RBM20: variants seen among roughly 807,000 people sequenced by gnomAD.
RBM20 encodes the protein RNA-binding protein 20.
In RBM20, 51 loss-of-function variants were observed where a neutral mutation model predicts 110.1. That is an observed-to-expected ratio of 0.46 (90% CI 0.37 to 0.59). The LOEUF (loss-of-function observed/expected upper bound fraction) is 0.59, where lower values mean the gene tolerates loss of function less well. Ranked by LOEUF, RBM20 falls within the 20% of genes least tolerant of loss-of-function variation. RBM20 has a pLI of 0.00. For synonymous variants in RBM20, 589 were observed against 618.2 expected (o/e 0.95, Z 0.70); for missense variants, 1,512 against 1,574.9 (o/e 0.96, Z 0.68).
chr10:110,748,678 T>A (rs569559108), intron 1 of RBM20, among the ~76,000 whole-genome samples: 1 of 152,124 alleles, frequency 6.6e-6, no homozygotes, highest in Non-Finnish European at 1.5e-5. Context: ...TCTCTCTCTC[T>A]CTCTTTCTCT....
intron 1 of RBM20, among the ~76,000 whole-genome samples, chr10:110,734,820 C>T (rs12219040): frequency 0.15 from 22,134 of 152,044 alleles, 2,150 homozygotes; most frequent in East Asian, 0.27. Flanking sequence ...TGCAACTTTA[C>T]TTTCCACAGT....
At chr10:110,708,661 T>C (rs1862877504) in intron 1 of RBM20, among the ~76,000 whole-genome samples, 2 of 152,252 alleles carry the variant, frequency 1.3e-5, no homozygotes, top group Non-Finnish European at 2.9e-5. Context: ...TTTCACTTTC[T>C]AAGTTTTATA....
rs1554893412 is a variant in RBM20, at chr10:110,727,419, A to AAT, written c.192-53381_192-53380insTA. 1.5e-3 allele frequency among the ~76,000 whole-genome samples: 215 copies of AAT among 146,794 alleles called. 2 individuals carry two copies. Among genetic ancestry groups the AAT allele is most frequent in the African/African-American group, 5.2e-3 (206 of 39,384 alleles). On this transcript the variant is annotated intron_variant, in intron 1 of 13. Coordinates refer to ENST00000369519, the MANE Select transcript of RBM20 (RefSeq NM_001134363.3). ...CGTCTCAAAAAATAAAAATAAAAAA[A>AAT]AAATAAATAAAAAGTCCATCCTGTT...
At chr10:110,809,389 A>G (rs1381566034) in intron 7 of RBM20, among the ~76,000 whole-genome samples, 1 of 152,124 alleles carries the variant, frequency 6.6e-6, no homozygotes, top group African/African-American at 2.4e-5. Context: ...CTCACATTCC[A>G]TAAAATTCAC....
chr10:110,736,052 A>G (rs570889187), intron 1 of RBM20, among the ~76,000 whole-genome samples: 1 of 152,352 alleles, frequency 6.6e-6, no homozygotes, highest in East Asian at 1.9e-4. Context: ...AGAGAGCACA[A>G]GTGCATTTGC....
In RBM20 at chr10:110,837,378, C is replaced by A. The variant is rs1177240988; in HGVS notation, c.*1400C>A. ...GCTCTGCCACAGCCATAGAGAGGCC[C>A]TCGGGCAGTTAAGAAGGGAGCCTGG... On this transcript the variant is annotated 3_prime_UTR_variant, in exon 14 of 14. Coordinates refer to ENST00000369519, the MANE Select transcript of RBM20 (RefSeq NM_001134363.3). The A allele has an allele frequency of 6.6e-6, 1 of 152,170 alleles. No individual in the cohort carries two copies. The highest frequency in any genetic ancestry group is 1.5e-5 in the Non-Finnish European group (1 of 68,054). The allele number at this position is 152,170 out of a possible 1,614,324, so 9.4% of individuals were successfully genotyped here.
rs545855573 is a variant in RBM20 at position 110,831,164 on chromosome 10, C to A, written c.3555C>A (p.Val1185=). 47 of 1,551,566 alleles carry A rather than the reference C, an allele frequency of 3.0e-5. 1 individual carries two copies. In the South Asian group the frequency reaches 5.0e-4, roughly 16 times the overall value. The change falls in exon 13 of 14, where the codon GTC becomes GTA. Residue 1185 remains valine (V), a synonymous_variant. Coordinates refer to ENST00000369519, the MANE Select transcript of RBM20 (RefSeq NM_001134363.3). ...TAKMSHCRSA[V]HYRNLQKYLS... ...AGATGAGCCACTGCCGCAGCGCTGT[C>A]CACTACAGGAACTTACAGGTAAAAA... is the stretch of plus-strand genomic sequence containing the variant.
chr10:110,794,746 C>G (rs765138965), intron 5 of RBM20, among the ~76,000 whole-genome samples: 23 of 152,194 alleles, frequency 1.5e-4, no homozygotes, highest in Non-Finnish European at 2.8e-4. Flanking sequence ...CAGAAGATGT[C>G]TTTTTAAAAT....
At position 110,781,227 on chromosome 10, in the gene RBM20, C is replaced by T; in HGVS notation, c.618C>T (p.Thr206=). Residue 206 remains threonine (T), a synonymous_variant, in exon 2 of 14, where the codon ACC becomes ACT. Transcript: ENST00000369519. ...CTTTCACTGGGGTAATGCCTCAGAC[C>T]CCTGGCCAGCCAGCAGTCATCTTGG... is the stretch of plus-strand genomic sequence containing the variant. ...MHPFTGVMPQ[T]PGQPAVILGI... is the part of the protein sequence containing the mutation. 6.4e-7 allele frequency: 1 copy of T among 1,551,660 alleles called. No homozygotes were observed. Among genetic ancestry groups the T allele is most frequent in the Non-Finnish European group, 8.7e-7 (1 of 1,147,006 alleles).
intron 1 of RBM20, among the ~76,000 whole-genome samples, chr10:110,691,009 A>AC (rs1345037780): frequency 6.6e-6 from 1 of 151,964 alleles, no homozygotes; most frequent in East Asian, 1.9e-4. Context: ...TGAGATACTA[A>AC]CCCCCCATGT....
chr10:110,784,649 G>A (rs1844398189), intron 4 of RBM20, 143 bp from the exon 5 acceptor site: 7 of 711,140 alleles, frequency 9.8e-6, no homozygotes, highest in African/African-American at 3.5e-5. Context: ...CTGATTATCA[G>A]CATGTCCAGA....
At chr10:110,660,863 T>C (rs1862092981) in intron 1 of RBM20, among the ~76,000 whole-genome samples, 1 of 152,108 alleles carries the variant, frequency 6.6e-6, no homozygotes, top group African/African-American at 2.4e-5. Context: ...GCCACCATAG[T>C]CCATGGAAAA....
rs764016326 is a variant in RBM20, at chr10:110,784,816, C to T, written c.1454C>T (p.Ser485Leu). Residue 485 changes from serine (S) to leucine (L), a missense_variant, in exon 5 of 14, where the codon TCA (serine) becomes TTA (leucine). By Grantham distance (145) the Ser-to-Leu change is moderately radical. Coordinates refer to ENST00000369519, the MANE Select transcript of RBM20 (RefSeq NM_001134363.3). ...GATTATGCCTCAAATCTTGGAACAT[C>T]ATACGTGCCCATTCCAGCAAGGTCA... ...NEDYASNLGT[S>L]YVPIPARSFT... 2 of 1,550,692 alleles carry T rather than the reference C, an allele frequency of 1.3e-6. No individual in the cohort carries two copies. Among genetic ancestry groups the T allele is most frequent in the Non-Finnish European group, 1.7e-6 (2 of 1,146,034 alleles).
intron 1 of RBM20, among the ~76,000 whole-genome samples, chr10:110,727,213 A>G (rs1843571059): frequency 2.2e-5 from 3 of 136,616 alleles, no homozygotes; most frequent in Non-Finnish European, 4.6e-5. Context: ...GTTGACACAT[A>G]ATGTATGTGT....
chr10:110,830,359 A>G (rs1845034992), intron 12 of RBM20, among the ~76,000 whole-genome samples: 3 of 152,202 alleles, frequency 2.0e-5, no homozygotes, highest in African/African-American at 7.2e-5. Flanking sequence ...GAATTCTGGG[A>G]CTTATATTTA....
At chr10:110,699,927 G>A (rs553688800) in intron 1 of RBM20, among the ~76,000 whole-genome samples, 3 of 152,254 alleles carry the variant, frequency 2.0e-5, no homozygotes, top group South Asian at 2.1e-4. Flanking sequence ...TAAATGACTT[G>A]CGGGTGGGAA....
chr10:110,705,329 A>G (rs1000267986), intron 1 of RBM20, among the ~76,000 whole-genome samples: 1 of 152,260 alleles, frequency 6.6e-6, no homozygotes, highest in African/African-American at 2.4e-5. Flanking sequence ...GAATGATTGA[A>G]GAAGAATGGA....
intron 11 of RBM20, 113 bp downstream of exon 11, chr10:110,822,048 T>A: frequency 1.9e-6 from 2 of 1,049,728 alleles, no homozygotes; most frequent in Non-Finnish European, 2.9e-6. Context: ...TCAACTAGCA[T>A]TAAAGTGGGT....
intron 1 of RBM20, among the ~76,000 whole-genome samples, chr10:110,770,479 A>G (rs1300100167): frequency 1.3e-5 from 2 of 152,218 alleles, no homozygotes; most frequent in Admixed American, 6.5e-5. Context: ...CATGAAGTCA[A>G]TAAGATGTAG....
Sources: allele counts gnomAD v4.1 joint callset (sites outside exome capture counted in the v4.1 genomes callset), GRCh38; gene constraint gnomAD v4.1.1; transcripts MANE v1.5; gene names NCBI Gene and HGNC (gene_info 2026-07-23, HGNC 2026-07-21).